PPP1R9A: variants seen among roughly 807,000 people sequenced by gnomAD.
The protein encoded by PPP1R9A is neurabin-1.
Under a neutral mutation model 141.9 loss-of-function variants are expected in PPP1R9A, and 59 were observed. The ratio of observed to expected loss-of-function variants is 0.42; its 90% CI spans 0.34 to 0.52. The LOEUF (loss-of-function observed/expected upper bound fraction) is 0.52. PPP1R9A is among the 20% of genes least tolerant of loss of function. The probability of loss-of-function intolerance (pLI) is 0.10; values close to 1 mark genes in which losing one functional copy is unlikely to be tolerated. For missense variants in PPP1R9A, 1,444 were observed against 1,611.9 expected (o/e 0.90, Z 1.78); for synonymous variants, 500 against 569.7 (o/e 0.88, Z 1.74).
chr7:94,911,158 G>A lies in PPP1R9A; in HGVS notation c.1045G>A (p.Ala349Thr). ...PQSQLLEDAE[A>T]NLVGREAAKQ... ...AAGCCAACTGTTAGAAGATGCTGAA[G>A]CTAATTTGGTTGGAAGGGAGGCAGC... The change falls in exon 2 of 20, where the codon GCT becomes ACT. Residue 349 changes from alanine to threonine, a missense_variant. Ala to Thr is a moderately conservative substitution (Grantham distance 58). Coordinates refer to ENST00000433360, the MANE Select transcript of PPP1R9A (RefSeq NM_001166160.2). The A allele has an allele frequency of 6.2e-7, 1 of 1,614,190 alleles. No homozygotes were observed. Among genetic ancestry groups the A allele is most frequent in the Non-Finnish European group, 8.5e-7 (1 of 1,180,030 alleles).
At chr7:95,205,059 C>A (rs1407974403) in intron 7 of PPP1R9A, among the ~76,000 whole-genome samples, 1 of 151,948 alleles carries the variant, frequency 6.6e-6, no homozygotes, top group African/African-American at 2.4e-5. Flanking sequence ...GGGTAGACAT[C>A]CTCCTGTACT....
At chr7:95,174,190 G>A (rs1408347595) in intron 5 of PPP1R9A, among the ~76,000 whole-genome samples, 1 of 151,938 alleles carries the variant, frequency 6.6e-6, no homozygotes, top group Non-Finnish European at 1.5e-5. Flanking sequence ...GTGATATGAA[G>A]GAACAAACTA....
At chr7:95,116,918 T>G (rs1167423189) in intron 3 of PPP1R9A, among the ~76,000 whole-genome samples, 2 of 152,324 alleles carry the variant, frequency 1.3e-5, no homozygotes, top group Non-Finnish European at 2.9e-5. Flanking sequence ...ATTATGTGCT[T>G]TATAAATTGT....
intron 7 of PPP1R9A, among the ~76,000 whole-genome samples, chr7:95,210,600 G>A (rs1791888758): frequency 6.6e-6 from 1 of 152,006 alleles, no homozygotes; most frequent in South Asian, 2.1e-4. Context: ...TCACTAGCTG[G>A]GACTACAGGC....
chr7:95,001,716 G>A (rs1227642400), intron 2 of PPP1R9A, among the ~76,000 whole-genome samples: 1 of 152,072 alleles, frequency 6.6e-6, no homozygotes, highest in Non-Finnish European at 1.5e-5. Flanking sequence ...AATCAGTTCA[G>A]AGTTACTATT....
At chr7:95,041,673 A>G (rs1033669880) in intron 2 of PPP1R9A, among the ~76,000 whole-genome samples, 1 of 152,092 alleles carries the variant, frequency 6.6e-6, no homozygotes, top group African/African-American at 2.4e-5. Flanking sequence ...TAGAAATCTC[A>G]TGCTTTTCTG....
chr7:94,962,924 T>G (rs1230835841), intron 2 of PPP1R9A, among the ~76,000 whole-genome samples: 2 of 152,162 alleles, frequency 1.3e-5, no homozygotes, highest in African/African-American at 4.8e-5. Context: ...TAATTCACAG[T>G]AGAACTTTCC....
intron 12 of PPP1R9A, among the ~76,000 whole-genome samples, chr7:95,263,646 A>C (rs1236327318): frequency 6.6e-6 from 1 of 152,138 alleles, no homozygotes; most frequent in Admixed American, 6.6e-5. Flanking sequence ...TCCTGACCTC[A>C]TGATCTGCCC....
At chr7:94,984,111 C>T (rs1474568823) in intron 2 of PPP1R9A, among the ~76,000 whole-genome samples, 1 of 152,078 alleles carries the variant, frequency 6.6e-6, no homozygotes, top group South Asian at 2.1e-4. Flanking sequence ...GTCTTTGGTT[C>T]TGTTTACATG....
intron 4 of PPP1R9A, among the ~76,000 whole-genome samples, chr7:95,127,728 AC>A (rs1823829451): frequency 6.6e-6 from 1 of 151,926 alleles, no homozygotes; most frequent in Non-Finnish European, 1.5e-5. Context: ...GTCCATGATT[AC>A]CCAGGATTTA....
intron 2 of PPP1R9A, among the ~76,000 whole-genome samples, chr7:95,034,242 T>A (rs2151839399): frequency 6.6e-6 from 1 of 152,222 alleles, no homozygotes; most frequent in African/African-American, 2.4e-5. Flanking sequence ...GTAGTCCCAT[T>A]TAGCAAGATT....
chr7:95,247,652 T>C, intron 9 of PPP1R9A, 126 bp downstream of exon 9: 1 of 759,746 alleles, frequency 1.3e-6, no homozygotes, highest in Non-Finnish European at 2.1e-6. Flanking sequence ...ATAGATTCAT[T>C]TTCACTGTCA....
At chr7:95,179,906 C>G (rs1184364748) in intron 5 of PPP1R9A, among the ~76,000 whole-genome samples, 1 of 152,092 alleles carries the variant, frequency 6.6e-6, no homozygotes, top group East Asian at 1.9e-4. Flanking sequence ...ACGTCCCGTG[C>G]TCATTGATAG....
chr7:94,948,386 T>C (rs1176534839), intron 2 of PPP1R9A, among the ~76,000 whole-genome samples: 1 of 152,078 alleles, frequency 6.6e-6, no homozygotes, highest in Non-Finnish European at 1.5e-5. Context: ...TTCCTATGTT[T>C]TCCCCATTCC....
At chr7:95,061,115 T>G (rs1812170994) in intron 2 of PPP1R9A, among the ~76,000 whole-genome samples, 1 of 152,208 alleles carries the variant, frequency 6.6e-6, no homozygotes, top group Non-Finnish European at 1.5e-5. Flanking sequence ...TAACATGGAA[T>G]TTAAGAAAAT....
chr7:95,096,434 G>T (rs1466737585), intron 2 of PPP1R9A, among the ~76,000 whole-genome samples: 2 of 152,142 alleles, frequency 1.3e-5, no homozygotes, highest in Middle Eastern at 3.4e-3. Flanking sequence ...ACAAATGACT[G>T]GCCCCCCTCA....
chr7:95,054,934 A>G (rs1221697307), intron 2 of PPP1R9A, among the ~76,000 whole-genome samples: 2 of 152,234 alleles, frequency 1.3e-5, no homozygotes, highest in East Asian at 3.9e-4. Flanking sequence ...TTGAATAAAT[A>G]AAAGCAAGTT....
intron 2 of PPP1R9A, among the ~76,000 whole-genome samples, chr7:94,943,697 G>A (rs1174825119): frequency 6.6e-6 from 1 of 152,134 alleles, no homozygotes; most frequent in African/African-American, 2.4e-5. Flanking sequence ...AGATGGGATG[G>A]AGATATTATT....
chr7:95,071,014 CATTT>C (rs1813745365), intron 2 of PPP1R9A, among the ~76,000 whole-genome samples: 1 of 151,772 alleles, frequency 6.6e-6, no homozygotes, highest in Admixed American at 6.6e-5. Flanking sequence ...GAGACAGGGA[CATTT>C]ATTTATGATT....
Sources: allele counts gnomAD v4.1 joint callset (sites outside exome capture counted in the v4.1 genomes callset), GRCh38; gene constraint gnomAD v4.1.1; transcripts MANE v1.5; gene names NCBI Gene and HGNC (gene_info 2026-07-23, HGNC 2026-07-21).